Variants in NEK4 observed in about 807,000 individuals in gnomAD.
NEK4 encodes the protein NIMA related kinase 4.
A neutral mutation model predicts 98.4 loss-of-function variants in NEK4; 86 were observed. The observed-to-expected ratio is 0.87, with a 90% CI of 0.73 to 1.05. The LOEUF is 1.05. NEK4 is among the 50% of genes least tolerant of loss of function. The pLI is 0.00. For missense variants in NEK4, 898 were observed against 950.3 expected (o/e 0.94, Z 0.72); for synonymous variants, 328 against 342.2 (o/e 0.96, Z 0.46).
At chr3:52,760,698 A>G in intron 6 of NEK4, 97 bp downstream of exon 6, 1 of 820,806 alleles carries the variant, frequency 1.2e-6, no homozygotes, top group Admixed American at 2.2e-5. Flanking sequence ...CAGAATCTCT[A>G]GTAAAGCATA....
chr3:52,760,266 G>GAGTGCAGT (rs1430624505), intron 6 of NEK4, among the ~76,000 whole-genome samples: 6 of 151,600 alleles, frequency 4.0e-5, no homozygotes, highest in Non-Finnish European at 8.8e-5. Flanking sequence ...ACCCAGGCTG[G>GAGTGCAGT]AGTGCAGTAG....
intron 11 of NEK4, among the ~76,000 whole-genome samples, chr3:52,743,785 A>G (rs886721297): frequency 7.2e-5 from 11 of 152,206 alleles, no homozygotes; most frequent in Middle Eastern, 6.3e-3. Context: ...TGCCTAAGAC[A>G]TGGTCAGCAT....
chr3:52,759,053 T>C (rs1698242998), intron 6 of NEK4, among the ~76,000 whole-genome samples: 1 of 147,314 alleles, frequency 6.8e-6, no homozygotes, highest in Admixed American at 7.0e-5. Context: ...ATGATGCCAC[T>C]ATACTCCAGC....
chr3:52,745,482 G>A (rs2097394448), intron 10 of NEK4, among the ~76,000 whole-genome samples: 1 of 151,886 alleles, frequency 6.6e-6, no homozygotes, highest in Non-Finnish European at 1.5e-5. Context: ...AGGAGGCTGA[G>A]GCAGGAGAAT....
intron 7 of NEK4, among the ~76,000 whole-genome samples, chr3:52,750,584 G>GCA (rs1455261807): frequency 1.3e-5 from 2 of 151,664 alleles, no homozygotes; most frequent in Non-Finnish European, 2.9e-5. Context: ...ACACACACAT[G>GCA]CACACACACA....
intron 12 of NEK4, among the ~76,000 whole-genome samples, chr3:52,742,785 C>CTTAT (rs1185961640): frequency 3.9e-5 from 6 of 151,990 alleles, no homozygotes; most frequent in South Asian, 2.1e-4. Context: ...TATTTATTTA[C>CTTAT]TTATTTATTT....
intron 15 of NEK4, among the ~76,000 whole-genome samples, chr3:52,715,594 T>C (rs2097354423): frequency 6.6e-6 from 1 of 152,180 alleles, no homozygotes; most frequent in Admixed American, 6.5e-5. Flanking sequence ...TTTCACCATG[T>C]TGGCCAGGCT....
chr3:52,747,784 TAAA>T (rs71087012), intron 8 of NEK4, among the ~76,000 whole-genome samples: 2 of 137,878 alleles, frequency 1.5e-5, no homozygotes, highest in African/African-American at 2.7e-5. Flanking sequence ...CATCTCCATT[TAAA>T]AAAAAAAAAA....
intron 1 of NEK4, among the ~76,000 whole-genome samples, chr3:52,769,585 A>G (rs1386041872): frequency 1.3e-5 from 2 of 152,150 alleles, no homozygotes; most frequent in African/African-American, 4.8e-5. Context: ...GATTCCCCCA[A>G]TGCCTACTGA....
chr3:52,763,402 A>G, intron 5 of NEK4, 68 bp downstream of exon 5: 2 of 1,417,360 alleles, frequency 1.4e-6, no homozygotes, highest in Non-Finnish European at 1.9e-6. Context: ...TTGCATATGA[A>G]TATTACAGAA....
intron 13 of NEK4, among the ~76,000 whole-genome samples, chr3:52,740,743 AATC>A (rs1305362500): frequency 6.6e-6 from 1 of 152,116 alleles, no homozygotes; most frequent in Non-Finnish European, 1.5e-5. Flanking sequence ...AGTGAGCCAA[AATC>A]ATGCCACTGC....
chr3:52,712,779 A>G (rs2097351675), intron 15 of NEK4, among the ~76,000 whole-genome samples: 1 of 152,100 alleles, frequency 6.6e-6, no homozygotes, highest in Non-Finnish European at 1.5e-5. Flanking sequence ...GGCATCTGTC[A>G]GTGTGCTTTT....
chr3:52,723,243 GA>G (rs1253127999), intron 15 of NEK4, among the ~76,000 whole-genome samples: 2 of 152,006 alleles, frequency 1.3e-5, no homozygotes, highest in Non-Finnish European at 2.9e-5. Flanking sequence ...TCAGTAAAGA[GA>G]AAGACATAAA....
At chr3:52,759,684 G>A (rs1338745382) in intron 6 of NEK4, among the ~76,000 whole-genome samples, 2 of 151,958 alleles carry the variant, frequency 1.3e-5, no homozygotes, top group Non-Finnish European at 2.9e-5. Flanking sequence ...TCCTCAAAAA[G>A]TCAAACCAAA....
At position 52,768,598 on chromosome 3, in the gene NEK4, T is replaced by C. The variant is rs565352473; in HGVS notation, c.100A>G (p.Ile34Val). ...GCATTTCGGAGGTTCAGTTTTTTGATGACATACTAAAAACAAACCATGTAT... is the reference window on the plus strand; with the variant it reads ...GCATTTCGGAGGTTCAGTTTTTTGACGACATACTAAAAACAAACCATGTAT... ...KHRRDGKQYV[I>V]KKLNLRNASS... Residue 34 changes from isoleucine (I) to valine (V), a missense_variant, in exon 2 of 16, where the codon ATC (isoleucine) becomes GTC (valine). Coordinates refer to ENST00000233027, the MANE Select transcript of NEK4 (RefSeq NM_003157.6). The C allele has an allele frequency of 1.9e-5, 31 of 1,613,620 alleles. No homozygotes were observed. Among genetic ancestry groups the C allele is most frequent in the Non-Finnish European group, 2.5e-5 (30 of 1,179,732 alleles).
intron 4 of NEK4, among the ~76,000 whole-genome samples, chr3:52,763,895 G>C (rs1698449560): frequency 6.6e-6 from 1 of 152,192 alleles, no homozygotes; most frequent in Non-Finnish European, 1.5e-5. Flanking sequence ...TTATGTATCG[G>C]GATGTTCAAT....
chr3:52,769,666 A>G (rs928654875), intron 1 of NEK4, among the ~76,000 whole-genome samples: 7 of 152,190 alleles, frequency 4.6e-5, no homozygotes, highest in African/African-American at 1.2e-4. Flanking sequence ...AGAACAGGCA[A>G]TTGGGCCCTA....
intron 7 of NEK4, among the ~76,000 whole-genome samples, chr3:52,751,111 G>C (rs1052809917): frequency 6.6e-6 from 1 of 151,996 alleles, no homozygotes; most frequent in East Asian, 1.9e-4. Flanking sequence ...GGGAGTTCGA[G>C]ACCAGCCTGA....
rs2097348513 is a variant in NEK4 at position 52,709,724 on chromosome 3, A to G, written c.*2053T>C. Reference sequence around the variant, plus strand: ...TCAAAAAAAAAAAAAAAAAAAAAAGATATGGGTGAGATTCCTTTAATTCTA... The same window carrying G: ...TCAAAAAAAAAAAAAAAAAAAAAAGGTATGGGTGAGATTCCTTTAATTCTA... On this transcript the variant is annotated 3_prime_UTR_variant, in exon 16 of 16. Transcript: ENST00000233027. 6.7e-6 allele frequency: 1 copy of G among 149,404 alleles called. No individual in the cohort carries two copies. Among genetic ancestry groups the G allele is most frequent in the South Asian group, 2.1e-4 (1 of 4,734 alleles). The allele number at this position is 149,404 out of a possible 1,614,324, so 9.3% of individuals were successfully genotyped here.
Sources: allele counts gnomAD v4.1 joint callset (sites outside exome capture counted in the v4.1 genomes callset), GRCh38; gene constraint gnomAD v4.1.1; transcripts MANE v1.5; gene names NCBI Gene and HGNC (gene_info 2026-07-23, HGNC 2026-07-21).